Variants in NT5C2 observed in about 807,000 individuals in gnomAD.
NT5C2 encodes cytosolic purine 5'-nucleotidase.
NT5C2 carries 58 observed loss-of-function variants against 76.1 expected under a neutral mutation model. The ratio of observed to expected loss-of-function variants is 0.76; its 90% CI spans 0.62 to 0.95. The LOEUF (loss-of-function observed/expected upper bound fraction) is 0.95, where lower values mean the gene tolerates loss of function less well. Among genes scored for constraint, NT5C2 ranks in the 40% least tolerant of loss-of-function variants. The probability of loss-of-function intolerance (pLI) is 0.00; values close to 1 mark genes in which losing one functional copy is unlikely to be tolerated. For synonymous variants in NT5C2, 229 were observed against 237.4 expected (o/e 0.96, Z 0.32); for missense variants, 478 against 690.3 (o/e 0.69, Z 3.45).
chr10:103,164,353 G>A (rs993810172), intron 3 of NT5C2, among the ~76,000 whole-genome samples: 24 of 152,092 alleles, frequency 1.6e-4, no homozygotes, highest in Non-Finnish European at 3.2e-4. Context: ...TGCCTCCTGG[G>A]TTCAAGTGAT....
intron 1 of NT5C2, among the ~76,000 whole-genome samples, chr10:103,186,632 T>C (rs1196000926): frequency 6.6e-6 from 1 of 152,178 alleles, no homozygotes; most frequent in Non-Finnish European, 1.5e-5. Context: ...TGGCATTTAC[T>C]GGCTGGGTGC....
chr10:103,109,519 T>G (rs1342805284), intron 4 of NT5C2, among the ~76,000 whole-genome samples: 1 of 152,230 alleles, frequency 6.6e-6, no homozygotes, highest in Non-Finnish European at 1.5e-5. Flanking sequence ...CAAACTGTAT[T>G]TAATGAAATA....
At chr10:103,137,732 C>T (rs1376627610) in intron 4 of NT5C2, among the ~76,000 whole-genome samples, 1 of 152,228 alleles carries the variant, frequency 6.6e-6, no homozygotes, top group African/African-American at 2.4e-5. Flanking sequence ...CTTGATCCCT[C>T]ATCCCCACTA....
chr10:103,134,879 TA>T (rs2078892394), intron 4 of NT5C2, among the ~76,000 whole-genome samples: 1 of 152,172 alleles, frequency 6.6e-6, no homozygotes, highest in South Asian at 2.1e-4. Context: ...AGGGTCAAAA[TA>T]TATCATTTTG....
Position 103,130,566 on chromosome 10 carries a change from A to T in NT5C2, c.175+8840T>A, listed in dbSNP as rs28404041. 1.1e-3 allele frequency among the ~76,000 whole-genome samples: 127 copies of T among 115,116 alleles called. 1 individual carries two copies. The highest frequency in any genetic ancestry group is 3.7e-3 in the African/African-American group (112 of 30,260). The allele number at this position is 115,116 out of a possible 152,430, so 75.5% of individuals were successfully genotyped here. On this transcript the variant is annotated intron_variant, in intron 4 of 18. Coordinates refer to ENST00000404739, the MANE Select transcript of NT5C2 (RefSeq NM_001351169.2). ...GAATTATCAATAAAAAAATAAATTT[A>T]AAAAAAAAATAAAAATTAAAAAAAA...
chr10:103,165,890 G>A (rs1248231498), intron 3 of NT5C2, among the ~76,000 whole-genome samples: 3 of 151,932 alleles, frequency 2.0e-5, no homozygotes, highest in African/African-American at 4.8e-5. Flanking sequence ...GGCTAGTCTC[G>A]AACTCCCAAC....
rs1466530411 is a variant in NT5C2, at chr10:103,157,762, A to C, written c.101+17096T>G. Among the ~76,000 whole-genome samples, 3 of 152,322 alleles carry C rather than the reference A, an allele frequency of 2.0e-5. 1 individual carries two copies. Among genetic ancestry groups the C allele is most frequent in the Admixed American group, 6.5e-5 (1 of 15,300 alleles). On this transcript the variant is annotated intron_variant, in intron 3 of 18. Coordinates refer to ENST00000404739, the MANE Select transcript of NT5C2 (RefSeq NM_001351169.2). ...ATGTTCTACAACCACAATGGAATGC[A>C]AGTACAAGTCAATGACAAAAGAAAA...
At position 103,183,275 on chromosome 10, in the gene NT5C2, A is replaced by ATATATTATATATATATATATAT. The variant is rs1554841686; in HGVS notation, c.-168-1948_-168-1947insATATATATATATATATAATATA. ...ATGTGTGTGTGTGATATATATATAT[A>ATATATTATATATATATATATAT]TATATATATATATATATATCACACA... On this transcript the variant is annotated intron_variant, in intron 1 of 18. Coordinates refer to ENST00000404739, the MANE Select transcript of NT5C2 (RefSeq NM_001351169.2). 3.2e-3 allele frequency among the ~76,000 whole-genome samples: 340 copies of ATATATTATATATATATATATAT among 104,920 alleles called. 9 individuals carry two copies. Among genetic ancestry groups the ATATATTATATATATATATATAT allele is most frequent in the African/African-American group, 0.011 (333 of 31,426 alleles). The allele number at this position is 104,920 out of a possible 152,430, so 68.8% of individuals were successfully genotyped here.
At position 103,173,006 on chromosome 10, in the gene NT5C2, TCAAAA is replaced by T. The variant is rs893240860; in HGVS notation, c.101+1847_101+1851del. 3.3e-5 allele frequency among the ~76,000 whole-genome samples: 5 copies of T among 151,820 alleles called. No individual in the cohort carries two copies. In the East Asian group the frequency reaches 5.8e-4, roughly 18 times the overall value. On this transcript the variant is annotated intron_variant, in intron 3 of 18. Transcript: ENST00000404739. ...CTTGGCAACAGAACGAGACTCTGTC[TCAAAA>T]CAAAACAAAACAAAATCTGTAGAGT...
chr10:103,176,594 G>A (rs968896024), intron 2 of NT5C2, among the ~76,000 whole-genome samples: 1 of 152,134 alleles, frequency 6.6e-6, no homozygotes, highest in Non-Finnish European at 1.5e-5. Flanking sequence ...AAACAGGGTC[G>A]CAGTGGCGTG....
chr10:103,142,126 G>A (rs754079303), intron 3 of NT5C2, among the ~76,000 whole-genome samples: 1 of 151,970 alleles, frequency 6.6e-6, no homozygotes, highest in Non-Finnish European at 1.5e-5. Context: ...TGTTTTCACA[G>A]AAAGAGGTTT....
intron 3 of NT5C2, among the ~76,000 whole-genome samples, chr10:103,167,632 T>C (rs957988897): frequency 6.6e-6 from 1 of 152,062 alleles, no homozygotes; most frequent in Non-Finnish European, 1.5e-5. Flanking sequence ...GATTTCCCCT[T>C]TTTTTGTTTT....
At chr10:103,104,189 A>G (rs1459942929) in intron 6 of NT5C2, among the ~76,000 whole-genome samples, 1 of 152,240 alleles carries the variant, frequency 6.6e-6, no homozygotes, top group Non-Finnish European at 1.5e-5. Flanking sequence ...GCTAAGTGCT[A>G]TTTGAATGAT....
chr10:103,097,859 A>G (rs1036922305), intron 10 of NT5C2: 3 of 367,624 alleles, frequency 8.2e-6, no homozygotes, highest in African/African-American at 6.6e-5. Flanking sequence ...ACCCACACCC[A>G]CGTGCGCTTA....
At chr10:103,117,741 A>G (rs2074698183) in intron 4 of NT5C2, among the ~76,000 whole-genome samples, 1 of 152,240 alleles carries the variant, frequency 6.6e-6, no homozygotes, top group African/African-American at 2.4e-5. Flanking sequence ...TACTCAAAAC[A>G]TTGAAAATTC....
intron 3 of NT5C2, among the ~76,000 whole-genome samples, chr10:103,169,629 A>G (rs2087336961): frequency 1.3e-5 from 2 of 152,026 alleles, no homozygotes; most frequent in South Asian, 4.1e-4. Context: ...AAAAAAAATT[A>G]TAATAATTTT....
chr10:103,136,545 TAAAATACGAAGTGGCATTGC>T (rs2079279284), intron 4 of NT5C2, among the ~76,000 whole-genome samples: 1 of 151,920 alleles, frequency 6.6e-6, no homozygotes, highest in African/African-American at 2.4e-5. Flanking sequence ...GAGAAAGCAT[TAAAATACGAAGTGGCATTGC>T]AAAAAACAAA....
chr10:103,175,003 T>G, intron 2 of NT5C2, 21 bp from the exon 3 acceptor site: 1 of 1,348,768 alleles, frequency 7.4e-7, no homozygotes, highest in Middle Eastern at 1.8e-4. Flanking sequence ...AAATCATTAA[T>G]TTAGTAACTT....
chr10:103,123,856 A>G (rs75656269), intron 4 of NT5C2, among the ~76,000 whole-genome samples: 1,443 of 140,904 alleles, frequency 0.01, 15 homozygotes, highest in African/African-American at 0.026. Context: ...TTGGGGGGGG[A>G]AAAAAAAAGT....
Sources: allele counts gnomAD v4.1 joint callset (sites outside exome capture counted in the v4.1 genomes callset), GRCh38; gene constraint gnomAD v4.1.1; transcripts MANE v1.5; gene names NCBI Gene and HGNC (gene_info 2026-07-23, HGNC 2026-07-21).